Variants in FBXW10B observed in about 807,000 individuals in gnomAD.
The protein encoded by FBXW10B is F-box and WD repeat domain containing protein 10B.
At chr17:15,594,740 G>T in the FBXW10B span, 3 of 1,613,594 alleles carry the variant, frequency 1.9e-6, no homozygotes, top group Non-Finnish European at 2.5e-6. Context: ...GGCTTCACAG[G>T]CACCTACTTG....
At chr17:15,599,613 TC>T in the FBXW10B span, among the ~76,000 whole-genome samples, 1 of 149,268 alleles carries the variant, frequency 6.7e-6, no homozygotes, top group Admixed American at 6.7e-5. Flanking sequence ...AGCAACAGAA[TC>T]CTTTACCAAT....
the FBXW10B span, among the ~76,000 whole-genome samples, chr17:15,587,611 G>A: frequency 0.12 from 18,882 of 151,366 alleles, 1,355 homozygotes; most frequent in South Asian, 0.27. Context: ...GCCCCCTCCC[G>A]GCTAAATTCT....
At chr17:15,609,344 G>A in the FBXW10B span, among the ~76,000 whole-genome samples, 1 of 148,978 alleles carries the variant, frequency 6.7e-6, no homozygotes, top group Admixed American at 6.8e-5. Flanking sequence ...GTCTATCTCT[G>A]CTCAGAAGAA....
chr17:15,586,151 A>G, the FBXW10B span, among the ~76,000 whole-genome samples: 1 of 151,474 alleles, frequency 6.6e-6, no homozygotes, highest in Admixed American at 6.6e-5. Context: ...TGTTGTTTCT[A>G]CCGTTAACCA....
At chr17:15,589,720 G>T in the FBXW10B span, among the ~76,000 whole-genome samples, 1 of 151,842 alleles carries the variant, frequency 6.6e-6, no homozygotes, top group Admixed American at 6.6e-5. Flanking sequence ...GTTTTTGACC[G>T]ACACTTAGGA....
the FBXW10B span, among the ~76,000 whole-genome samples, chr17:15,610,731 G>A: frequency 1.3e-5 from 2 of 152,168 alleles, no homozygotes; most frequent in African/African-American, 4.8e-5. Flanking sequence ...TGTCAATACA[G>A]TCCAGTTCTG....
At chr17:15,586,837 G>C in the FBXW10B span, among the ~76,000 whole-genome samples, 26,399 of 151,606 alleles carry the variant, frequency 0.17, 2,828 homozygotes, top group South Asian at 0.29. Flanking sequence ...ATAGAATAGA[G>C]ATTAGGGAGG....
At chr17:15,567,233 C>T in the FBXW10B span, among the ~76,000 whole-genome samples, 8 of 149,698 alleles carry the variant, frequency 5.3e-5, no homozygotes, top group East Asian at 1.4e-3. Context: ...GATCACGCCA[C>T]TGCACTCCAG....
the FBXW10B span, among the ~76,000 whole-genome samples, chr17:15,582,822 G>A: frequency 2.6e-5 from 4 of 151,956 alleles, no homozygotes; most frequent in Non-Finnish European, 5.9e-5. Context: ...GGGAGAGGAG[G>A]GCCCGCTCTC....
chr17:15,585,033 T>C, the FBXW10B span, among the ~76,000 whole-genome samples: 2 of 148,816 alleles, frequency 1.3e-5, no homozygotes, highest in African/African-American at 4.9e-5. Flanking sequence ...ATCAGCCACA[T>C]TTTTCTCCCT....
the FBXW10B span, chr17:15,614,140 A>G: frequency 7.5e-7 from 1 of 1,341,020 alleles, no homozygotes; most frequent in Non-Finnish European, 1.0e-6. Flanking sequence ...ACCTCCTCAG[A>G]CTCTAACCTT....
the FBXW10B span, among the ~76,000 whole-genome samples, chr17:15,599,800 A>C: frequency 0.52 from 79,316 of 151,338 alleles, 23,191 homozygotes; most frequent in African/African-American, 0.78. Flanking sequence ...TGCTGAGATA[A>C]TGGTTCTGGA....
At chr17:15,610,356 T>C in the FBXW10B span, among the ~76,000 whole-genome samples, 2 of 152,208 alleles carry the variant, frequency 1.3e-5, no homozygotes, top group Non-Finnish European at 2.9e-5. Context: ...GGACTGCTTC[T>C]GTGTCTCTTT....
the FBXW10B span, among the ~76,000 whole-genome samples, chr17:15,599,100 G>C: frequency 6.6e-6 from 1 of 151,300 alleles, no homozygotes; most frequent in Admixed American, 6.6e-5. Flanking sequence ...GCTTGAATCC[G>C]GCAGGCAGAG....
the FBXW10B span, among the ~76,000 whole-genome samples, chr17:15,594,378 A>G: frequency 1.3e-5 from 2 of 151,612 alleles, no homozygotes; most frequent in African/African-American, 2.4e-5. Context: ...AGGCTGAGAC[A>G]GGAGAATAGC....
the FBXW10B span, among the ~76,000 whole-genome samples, chr17:15,599,375 C>A: frequency 7.5e-6 from 1 of 132,824 alleles, no homozygotes; most frequent in Non-Finnish European, 1.6e-5. Flanking sequence ...TGCTAAACAT[C>A]CTACATTGCA....
the FBXW10B span, among the ~76,000 whole-genome samples, chr17:15,585,898 A>G: frequency 6.6e-6 from 1 of 150,736 alleles, no homozygotes; most frequent in South Asian, 2.1e-4. Context: ...TCAGGATTGT[A>G]GTGGTAAAGC....
chr17:15,600,175 C>G, the FBXW10B span, among the ~76,000 whole-genome samples: 1 of 150,292 alleles, frequency 6.7e-6, no homozygotes, highest in Non-Finnish European at 1.5e-5. Context: ...GAGATGGCGC[C>G]ACTGCACTCC....
At chr17:15,602,629 T>G in the FBXW10B span, among the ~76,000 whole-genome samples, 73 of 81,246 alleles carry the variant, frequency 9.0e-4, 3 homozygotes, top group East Asian at 5.2e-3. Flanking sequence ...ACCGAGTTTT[T>G]TTTTTTTTTT....
Sources: allele counts gnomAD v4.1 joint callset (sites outside exome capture counted in the v4.1 genomes callset), GRCh38; gene constraint gnomAD v4.1.1; transcripts MANE v1.5; gene names NCBI Gene and HGNC (gene_info 2026-07-23, HGNC 2026-07-21).